Variants in EPB41L5 observed in about 807,000 individuals in gnomAD.
EPB41L5 encodes band 4.1-like protein 5.
EPB41L5 carries 55 observed loss-of-function variants against 106.6 expected under a neutral mutation model. That is an observed-to-expected ratio of 0.52 (90% CI 0.42 to 0.65). The LOEUF is 0.65. Among genes scored for constraint, EPB41L5 ranks in the 30% least tolerant of loss-of-function variants. The pLI, the probability that EPB41L5 is intolerant of heterozygous loss-of-function variation, is 0.00. For missense variants in EPB41L5, 871 were observed against 882.1 expected, an observed-to-expected ratio of 0.99 and a Z score of 0.16; for synonymous variants, 297 against 306.7, an observed-to-expected ratio of 0.97 and a Z score of 0.33.
At chr2:120,029,669 A>C (rs1040685096) in intron 2 of EPB41L5, among the ~76,000 whole-genome samples, 5 of 152,174 alleles carry the variant, frequency 3.3e-5, no homozygotes, top group Non-Finnish European at 4.4e-5. Context: ...TAAGTCCCCA[A>C]ACTAATGCTT....
intron 16 of EPB41L5, among the ~76,000 whole-genome samples, chr2:120,120,321 A>G (rs1195142087): frequency 6.6e-6 from 1 of 151,898 alleles, no homozygotes; most frequent in Non-Finnish European, 1.5e-5. Context: ...AGTCCCGGCT[A>G]CATGGGAGGC....
chr2:120,017,047 A>G (rs1677573923), intron 1 of EPB41L5, among the ~76,000 whole-genome samples: 1 of 152,246 alleles, frequency 6.6e-6, no homozygotes, highest in Non-Finnish European at 1.5e-5. Context: ...ACATTTTAAT[A>G]TGGTACTATC....
intron 18 of EPB41L5, among the ~76,000 whole-genome samples, chr2:120,141,871 A>G (rs148579879): frequency 4.0e-4 from 61 of 152,256 alleles, no homozygotes; most frequent in African/African-American, 1.4e-3. Context: ...AGAGGTATGC[A>G]GATTTGACCT....
At chr2:120,024,099 G>C in intron 2 of EPB41L5, among the ~76,000 whole-genome samples, 1 of 152,252 alleles carries the variant, frequency 6.6e-6, no homozygotes, top group Middle Eastern at 3.4e-3. Flanking sequence ...GGGTTTTCTA[G>C]ATATACAATC....
intron 11 of EPB41L5, 139 bp from the exon 12 acceptor site, chr2:120,090,208 A>T (rs1404181281): frequency 3.5e-6 from 2 of 567,446 alleles, no homozygotes; most frequent in African/African-American, 3.9e-5. Flanking sequence ...TGCCCTTATT[A>T]TGTTGATACT....
At chr2:120,101,502 G>A (rs1024193228) in intron 16 of EPB41L5, 5 of 152,020 alleles carry the variant, frequency 3.3e-5, no homozygotes, top group African/African-American at 1.2e-4. Context: ...GGTCATGTTG[G>A]GTGTATCACC....
Position 120,156,175 on chromosome 2 carries a change from C to T in EPB41L5, c.1794-4706C>T, listed in dbSNP as rs538783789. ...TCAGACCTGAACTCTGCAGGGCGAT[C>T]TTGTCCATCAGGTAGGGCTGCTCTG... On this transcript the variant is annotated intron_variant, in intron 20 of 24. Coordinates refer to ENST00000263713, the MANE Select transcript of EPB41L5 (RefSeq NM_020909.4). Among the ~76,000 whole-genome samples the T allele has an allele frequency of 2.0e-5, 3 of 152,324 alleles. No homozygotes were observed. In the East Asian group the frequency reaches 5.8e-4, roughly 29 times the overall value.
intron 3 of EPB41L5, among the ~76,000 whole-genome samples, chr2:120,047,335 G>C (rs1456131459): frequency 2.0e-5 from 3 of 152,000 alleles, no homozygotes; most frequent in Admixed American, 1.3e-4. Context: ...CTTTTATTTT[G>C]TTGAGCAGTG....
chr2:120,156,979 A>C (rs543363269), intron 20 of EPB41L5, among the ~76,000 whole-genome samples: 1 of 152,144 alleles, frequency 6.6e-6, no homozygotes, highest in Non-Finnish European at 1.5e-5. Context: ...CAAAATAACA[A>C]TATACATTCC....
At chr2:120,133,217 C>T (rs1402396013) in intron 18 of EPB41L5, among the ~76,000 whole-genome samples, 1 of 152,054 alleles carries the variant, frequency 6.6e-6, no homozygotes, top group East Asian at 1.9e-4. Context: ...CAAATATAAC[C>T]CTCCAGTGAT....
chr2:120,046,561 C>T (rs530440905), intron 3 of EPB41L5, among the ~76,000 whole-genome samples: 137 of 151,274 alleles, frequency 9.1e-4, no homozygotes, highest in African/African-American at 3.3e-3. Context: ...GGATATTAGC[C>T]CTTTGTCAGA....
intron 20 of EPB41L5, among the ~76,000 whole-genome samples, chr2:120,158,783 AAG>A (rs1181963443): frequency 1.3e-5 from 2 of 152,192 alleles, no homozygotes; most frequent in African/African-American, 4.8e-5. Flanking sequence ...CAAATAGGAA[AAG>A]AGGAAGTCAA....
chr2:120,051,316 C>T (rs547752797), intron 3 of EPB41L5, among the ~76,000 whole-genome samples: 1 of 152,338 alleles, frequency 6.6e-6, no homozygotes, highest in Non-Finnish European at 1.5e-5. Context: ...GTTCAAGCTT[C>T]CTAGCAGCTT....
At chr2:120,152,000 GT>G (rs1242405676) in intron 20 of EPB41L5, among the ~76,000 whole-genome samples, 2 of 152,104 alleles carry the variant, frequency 1.3e-5, no homozygotes, top group African/African-American at 4.8e-5. Flanking sequence ...CTTATTTCCA[GT>G]TGGGAAGTTT....
At chr2:120,146,407 AC>A in intron 20 of EPB41L5, 118 bp downstream of exon 20, 3 of 696,362 alleles carry the variant, frequency 4.3e-6, no homozygotes, top group Non-Finnish European at 7.4e-6. Context: ...GCTTGAATTC[AC>A]TCTATTGTAT....
At chr2:120,085,102 A>G (rs981645825) in intron 10 of EPB41L5, among the ~76,000 whole-genome samples, 5 of 151,970 alleles carry the variant, frequency 3.3e-5, no homozygotes, top group African/African-American at 9.7e-5. Context: ...AAGTTTGATC[A>G]TCTGAAGCCT....
intron 16 of EPB41L5, among the ~76,000 whole-genome samples, chr2:120,113,158 A>G (rs1195034033): frequency 6.6e-6 from 1 of 152,252 alleles, no homozygotes; most frequent in Non-Finnish European, 1.5e-5. Context: ...ACTAGAGGAT[A>G]TCAGTGACAC....
At chr2:120,077,366 C>T (rs756360617) in intron 9 of EPB41L5, 50 bp downstream of exon 9, 56 of 1,519,188 alleles carry the variant, frequency 3.7e-5, no homozygotes, top group Admixed American at 1.4e-4. Context: ...TTTGGAGGTT[C>T]GCAGTGACTG....
chr2:120,027,905 T>G (rs1352745897), intron 2 of EPB41L5, among the ~76,000 whole-genome samples: 2 of 152,056 alleles, frequency 1.3e-5, no homozygotes, highest in Non-Finnish European at 2.9e-5. Context: ...TCACTCTTGT[T>G]AGGCTGGAGT....
Sources: allele counts gnomAD v4.1 joint callset (sites outside exome capture counted in the v4.1 genomes callset), GRCh38; gene constraint gnomAD v4.1.1; transcripts MANE v1.5; gene names NCBI Gene and HGNC (gene_info 2026-07-23, HGNC 2026-07-21).